The following PGAP1 variants were observed in gnomAD, a reference collection of about 807,000 sequenced individuals.
PGAP1 encodes the protein post-GPI attachment to proteins inositol deacylase 1.
A neutral mutation model predicts 127.0 loss-of-function variants in PGAP1; 76 were observed. That is an observed-to-expected ratio of 0.60 (90% CI 0.50 to 0.72). The LOEUF is 0.72. PGAP1 is among the 30% of genes least tolerant of loss of function. The pLI, the probability that PGAP1 is intolerant of heterozygous loss-of-function variation, is 0.00. For synonymous variants in PGAP1, 362 were observed against 366.5 expected (o/e 0.99, Z 0.14); for missense variants, 982 against 1,071.3 (o/e 0.92, Z 1.16).
chr2:196,899,859 C>A (rs1165932324), intron 5 of PGAP1, among the ~76,000 whole-genome samples: 1 of 152,164 alleles, frequency 6.6e-6, no homozygotes, highest in East Asian at 1.9e-4. Flanking sequence ...CATGGTGAAA[C>A]CGCATCTCTA....
At chr2:196,905,776 T>C (rs897526422) in intron 4 of PGAP1, among the ~76,000 whole-genome samples, 1 of 143,784 alleles carries the variant, frequency 7.0e-6, no homozygotes, top group Admixed American at 7.0e-5. Context: ...GGGCGAGGCA[T>C]TGCCTCACCT....
chr2:196,905,120 A>C (rs1702651816), intron 4 of PGAP1, among the ~76,000 whole-genome samples: 1 of 152,244 alleles, frequency 6.6e-6, no homozygotes, highest in Non-Finnish European at 1.5e-5. Context: ...TTATAGAGAC[A>C]GAACAGTGCC....
intron 13 of PGAP1, among the ~76,000 whole-genome samples, chr2:196,877,085 A>G (rs1226772883): frequency 6.6e-6 from 1 of 152,056 alleles, no homozygotes; most frequent in Non-Finnish European, 1.5e-5. Context: ...TATAATTTTT[A>G]TTATTGCTTT....
Position 196,873,733 on chromosome 2 carries a change from TAAC to T in PGAP1, c.1449_1451del (p.Leu484del), listed in dbSNP as rs752659835. Reference sequence around the variant, plus strand: ...GATTGTAGTATAGGCCATTTGTATTTAACACCACTTTCCTTGAAGACAATCCTG... The same window carrying T: ...GATTGTAGTATAGGCCATTTGTATTTACCACTTTCCTTGAAGACAATCCTG... On this transcript the variant is annotated inframe_deletion, in exon 15 of 27. Coordinates refer to ENST00000354764, the MANE Select transcript of PGAP1 (RefSeq NM_024989.4). 41 of 1,611,334 alleles carry T rather than the reference TAAC, an allele frequency of 2.5e-5. No homozygotes were observed. The highest frequency in any genetic ancestry group is 3.0e-5 in the Non-Finnish European group (35 of 1,177,890).
chr2:196,866,984 A>G (rs928383381), intron 19 of PGAP1, among the ~76,000 whole-genome samples: 1 of 152,198 alleles, frequency 6.6e-6, no homozygotes, highest in Non-Finnish European at 1.5e-5. Context: ...GTCAGGAAAC[A>G]ATATGCTGGA....
intron 3 of PGAP1, 27 bp downstream of exon 3, chr2:196,916,391 C>T (rs1318009961): frequency 1.3e-6 from 2 of 1,561,064 alleles, no homozygotes; most frequent in Non-Finnish European, 1.7e-6. Flanking sequence ...GGTTGCACCA[C>T]TATTGATTTG....
At chr2:196,847,321 T>G in intron 21 of PGAP1, 121 bp from the exon 22 acceptor site, 2 of 715,038 alleles carry the variant, frequency 2.8e-6, no homozygotes, top group Non-Finnish European at 4.5e-6. Context: ...AATTTATAAT[T>G]ATACTGAAAA....
chr2:196,912,705 G>A (rs1341092375), intron 4 of PGAP1, among the ~76,000 whole-genome samples, 177 bp downstream of exon 4: 1 of 150,872 alleles, frequency 6.6e-6, no homozygotes, highest in Non-Finnish European at 1.5e-5. Flanking sequence ...TCAATTATAA[G>A]CCTAAGTTCA....
rs763215579 is a variant in PGAP1 at position 196,916,427 on chromosome 2, T to C, written c.468A>G (p.Lys156=). Residue 156 remains lysine (K), a synonymous_variant, in exon 3 of 27, where the codon AAA becomes AAG. Transcript: ENST00000354764. ...FVHECIKTIL[K]LYKGQEFAPK... Reference sequence around the variant, plus strand: ...CATACTTATCTCTCACCTTATAGAGTTTGAGAATTGTTTTAATACATTCAT... The same window carrying C: ...CATACTTATCTCTCACCTTATAGAGCTTGAGAATTGTTTTAATACATTCAT... 1 of 1,606,852 alleles carries C rather than the reference T, an allele frequency of 6.2e-7. No individual in the cohort carries two copies. The highest frequency in any genetic ancestry group is 8.5e-7 in the Non-Finnish European group (1 of 1,177,240).
chr2:196,912,220 A>T (rs1702846281), intron 4 of PGAP1, among the ~76,000 whole-genome samples: 3 of 152,240 alleles, frequency 2.0e-5, no homozygotes, highest in Admixed American at 2.0e-4. Flanking sequence ...CTTTGTACTT[A>T]AAAACTAGAC....
chr2:196,862,962 T>A (rs943338759), intron 20 of PGAP1, among the ~76,000 whole-genome samples: 4 of 152,180 alleles, frequency 2.6e-5, no homozygotes, highest in East Asian at 1.9e-4. Context: ...TGTATTTTTT[T>A]AAATGTTCAA....
At chr2:196,860,134 CTG>C (rs1262845302) in intron 20 of PGAP1, among the ~76,000 whole-genome samples, 1 of 152,010 alleles carries the variant, frequency 6.6e-6, no homozygotes, top group African/African-American at 2.4e-5. Context: ...CCAAAAAAAA[CTG>C]TTAGAATTGT....
rs766110401 is a variant in PGAP1, at chr2:196,926,502, T to C, written c.115A>G (p.Met39Val). The change falls in exon 1 of 27, where the codon ATG becomes GTG. Residue 39 changes from methionine (M) to valine (V), a missense_variant. Met to Val is a conservative substitution (Grantham distance 21). Transcript: ENST00000354764. ...FFGFEENKCSMSYMFEYPEYQ... is the reference protein window; with the variant it reads ...FFGFEENKCSVSYMFEYPEYQ... Reference sequence around the variant, plus strand: ...TCCGGGTACTCAAACATGTAGCTCATACTGCACTTATTCTCCTCGAAGCCG... The same window carrying C: ...TCCGGGTACTCAAACATGTAGCTCACACTGCACTTATTCTCCTCGAAGCCG... The C allele has an allele frequency of 1.5e-5, 25 of 1,613,994 alleles. No homozygotes were observed. In the East Asian group the frequency reaches 4.5e-4, roughly 29 times the overall value.
At chr2:196,890,091 C>T (rs1449183468) in intron 10 of PGAP1, among the ~76,000 whole-genome samples, 2 of 151,868 alleles carry the variant, frequency 1.3e-5, no homozygotes, top group Non-Finnish European at 2.9e-5. Flanking sequence ...TACCACCACA[C>T]CCAGCTAAGT....
At chr2:196,911,988 A>C (rs1282846918) in intron 4 of PGAP1, among the ~76,000 whole-genome samples, 1 of 152,118 alleles carries the variant, frequency 6.6e-6, no homozygotes, top group Non-Finnish European at 1.5e-5. Context: ...GCCAGGGTCA[A>C]ATACTGGTTT....
At chr2:196,887,567 T>C (rs561410838) in intron 10 of PGAP1, among the ~76,000 whole-genome samples, 1 of 152,108 alleles carries the variant, frequency 6.6e-6, no homozygotes, top group Non-Finnish European at 1.5e-5. Flanking sequence ...AATTTGTCCT[T>C]TGAATCACAG....
chr2:196,905,456 G>C (rs1702665386), intron 4 of PGAP1, among the ~76,000 whole-genome samples: 1 of 152,166 alleles, frequency 6.6e-6, no homozygotes, highest in East Asian at 1.9e-4. Context: ...AATAATTACT[G>C]TTGCACCAGA....
At chr2:196,926,141 G>C (rs1385954857) in intron 1 of PGAP1, among the ~76,000 whole-genome samples, 1 of 152,128 alleles carries the variant, frequency 6.6e-6, no homozygotes, top group Non-Finnish European at 1.5e-5. Context: ...CATGAGGGGG[G>C]CTGGGCCCGG....
At chr2:196,857,298 G>C (rs1283372537) in intron 20 of PGAP1, among the ~76,000 whole-genome samples, 2 of 152,158 alleles carry the variant, frequency 1.3e-5, no homozygotes, top group Non-Finnish European at 2.9e-5. Flanking sequence ...GTTTAATGCT[G>C]GCCCAGCACT....
Sources: gnomAD v4.1 joint callset for allele counts (sites outside exome capture counted in the v4.1 genomes callset) on GRCh38, gnomAD v4.1.1 for gene constraint, MANE v1.5 for transcripts, NCBI Gene and HGNC (gene_info 2026-07-23, HGNC 2026-07-21) for gene names.